RORA: variants seen among roughly 807,000 people sequenced by gnomAD.
RORA encodes nuclear receptor ROR-alpha.
A neutral mutation model predicts 69.5 loss-of-function variants in RORA; 7 were observed. That is an observed-to-expected ratio of 0.10 (90% CI 0.06 to 0.19). The LOEUF is 0.19. RORA is among the 10% of genes least tolerant of loss of function. The pLI is 1.00. For missense variants in RORA, 457 were observed against 663.0 expected (o/e 0.69, Z 3.41); for synonymous variants, 261 against 240.8 (o/e 1.08, Z -0.78).
At chr15:60,645,699 C>G (rs1254048022) in intron 2 of RORA, among the ~76,000 whole-genome samples, 1 of 151,992 alleles carries the variant, frequency 6.6e-6, no homozygotes, top group Non-Finnish European at 1.5e-5. Flanking sequence ...AATTTCCTTA[C>G]AGATCAATTA....
At position 60,994,871 on chromosome 15, in the gene RORA, T is replaced by C. The variant is rs16943456; in HGVS notation, c.166+234182A>G. Among the ~76,000 whole-genome samples, 849 of 152,246 alleles carry C rather than the reference T, an allele frequency of 5.6e-3. 8 individuals carry two copies. Among genetic ancestry groups the C allele is most frequent in the African/African-American group, 0.019 (799 of 41,530 alleles). On this transcript the variant is annotated intron_variant, in intron 1 of 10. Transcript: ENST00000335670. Reference sequence around the variant, plus strand: ...AACTTTACCAACCTTTTGAAGACCCTTCGTTTTAACAAGTGTGGATATTCT... The same window carrying C: ...AACTTTACCAACCTTTTGAAGACCCCTCGTTTTAACAAGTGTGGATATTCT...
intron 2 of RORA, among the ~76,000 whole-genome samples, chr15:60,665,044 G>T (rs1462384134): frequency 6.6e-6 from 1 of 152,186 alleles, no homozygotes; most frequent in Non-Finnish European, 1.5e-5. Context: ...CTAAACTAAG[G>T]AAACATACTT....
intron 1 of RORA, among the ~76,000 whole-genome samples, chr15:60,968,543 G>A (rs1169182484): frequency 6.6e-6 from 1 of 152,206 alleles, no homozygotes; most frequent in Non-Finnish European, 1.5e-5. Flanking sequence ...TCAAGCCTGG[G>A]TCTCCTCTCT....
At chr15:60,516,227 AT>A (rs2065948217) in intron 3 of RORA, among the ~76,000 whole-genome samples, 2 of 61,848 alleles carry the variant, frequency 3.2e-5, no homozygotes, top group East Asian at 3.5e-4. Context: ...ATATATTTAT[AT>A]ATATATTTAT....
intron 1 of RORA, among the ~76,000 whole-genome samples, chr15:60,844,314 AAAAGAATTACTACTTT>A (rs2073237357): frequency 6.6e-6 from 1 of 152,216 alleles, no homozygotes; most frequent in Non-Finnish European, 1.5e-5. Flanking sequence ...CAGAGGGAAC[AAAAGAATTACTACTTT>A]AAACTACACA....
chr15:61,061,666 G>T lies in RORA; in HGVS notation c.166+167387C>A, dbSNP rs1335218692. 6.6e-6 allele frequency among the ~76,000 whole-genome samples: 1 copy of T among 152,190 alleles called. No homozygotes were observed. The highest frequency in any genetic ancestry group is 1.5e-5 in the Non-Finnish European group (1 of 68,034). ...ATCTATCTCTAATTGCAAGAGTTAA[G>T]AGGAAATTTAAACTACTGCTTTAGT... is the stretch of plus-strand genomic sequence containing the variant. On this transcript the variant is annotated intron_variant, in intron 1 of 10. Transcript: ENST00000335670. This position sits in a 1 kb window ranked among gnomAD's most constrained non-coding sequence, Gnocchi z 4.4.
rs979361398 is a variant in RORA at position 61,061,542 on chromosome 15, G to C, written c.166+167511C>G. Reference sequence around the variant, plus strand: ...TTCTGACCTCGCCCCTCATTCTAAAGTGTAATTCCCAGATTTTCAGTAACT... The same window carrying C: ...TTCTGACCTCGCCCCTCATTCTAAACTGTAATTCCCAGATTTTCAGTAACT... On this transcript the variant is annotated intron_variant, in intron 1 of 10. Coordinates refer to ENST00000335670, the MANE Select transcript of RORA (RefSeq NM_134261.3). The surrounding 1 kb of genome is among the most constrained non-coding windows in gnomAD (Gnocchi z 4.4). 2.0e-5 allele frequency among the ~76,000 whole-genome samples: 3 copies of C among 152,072 alleles called. No individual in the cohort carries two copies. Among genetic ancestry groups the C allele is most frequent in the Non-Finnish European group, 4.4e-5 (3 of 67,996 alleles).
At chr15:60,641,034 C>A (rs556607324) in intron 2 of RORA, among the ~76,000 whole-genome samples, 1 of 152,164 alleles carries the variant, frequency 6.6e-6, no homozygotes, top group Non-Finnish European at 1.5e-5. Flanking sequence ...CTCACTGTAG[C>A]CTTGACCTCC....
intron 1 of RORA, among the ~76,000 whole-genome samples, chr15:60,939,904 T>C (rs560009373): frequency 9.9e-5 from 15 of 152,246 alleles, no homozygotes; most frequent in Non-Finnish European, 1.8e-4. Flanking sequence ...CACTCCAGTG[T>C]ATTTACTATA....
At chr15:61,108,502 A>G (rs1231469611) in intron 1 of RORA, among the ~76,000 whole-genome samples, 1 of 152,222 alleles carries the variant, frequency 6.6e-6, no homozygotes, top group Non-Finnish European at 1.5e-5. Flanking sequence ...CATATTATCT[A>G]TGGCTGCTTT....
chr15:61,105,002 C>CCG (rs1428432108), intron 1 of RORA, among the ~76,000 whole-genome samples: 4 of 142,216 alleles, frequency 2.8e-5, no homozygotes, highest in Non-Finnish European at 6.2e-5. Context: ...GGCGCCCCCC[C>CCG]CACCGCCCAG....
intron 1 of RORA, among the ~76,000 whole-genome samples, chr15:60,718,563 T>C (rs2071250194): frequency 6.6e-6 from 1 of 152,238 alleles, no homozygotes; most frequent in African/African-American, 2.4e-5. Flanking sequence ...ATAACGGTTG[T>C]TAGCTAAATT....
At chr15:60,771,908 G>C (rs1326688326) in intron 1 of RORA, among the ~76,000 whole-genome samples, 1 of 152,078 alleles carries the variant, frequency 6.6e-6, no homozygotes, top group Non-Finnish European at 1.5e-5. Flanking sequence ...TTAGTGATGA[G>C]GCCAAGAACA....
rs572700241 is a variant in RORA at position 61,061,430 on chromosome 15, G to C, written c.166+167623C>G. On this transcript the variant is annotated intron_variant, in intron 1 of 10. Coordinates refer to ENST00000335670, the MANE Select transcript of RORA (RefSeq NM_134261.3). The surrounding 1 kb of genome is among the most constrained non-coding windows in gnomAD (Gnocchi z 4.4). ...GCATCGCAGGAAGTCCTGATGTCAA[G>C]GTAATGCGGCCAGGCATATCTGTTG... Among the ~76,000 whole-genome samples the C allele has an allele frequency of 1.7e-4, 26 of 152,122 alleles. 1 individual carries two copies. The South Asian group carries it at 5.0e-3, about 29-fold the overall frequency.
At chr15:60,869,342 G>C (rs2073526521) in intron 1 of RORA, among the ~76,000 whole-genome samples, 1 of 152,180 alleles carries the variant, frequency 6.6e-6, no homozygotes, top group Admixed American at 6.5e-5. Flanking sequence ...AATCCCAGGA[G>C]AGGCATCTAT....
At chr15:60,701,270 T>C (rs879644160) in intron 1 of RORA, among the ~76,000 whole-genome samples, 2 of 152,238 alleles carry the variant, frequency 1.3e-5, no homozygotes, top group Admixed American at 6.5e-5. Context: ...GAATATTTGC[T>C]GAATGAATCA....
At chr15:60,619,634 T>C (rs904040328) in intron 2 of RORA, among the ~76,000 whole-genome samples, 2 of 152,242 alleles carry the variant, frequency 1.3e-5, no homozygotes, top group Non-Finnish European at 2.9e-5. Context: ...GAAATCTGTC[T>C]GCATACAAGC....
chr15:60,811,247 C>T (rs1463285331), intron 1 of RORA, among the ~76,000 whole-genome samples: 1 of 152,208 alleles, frequency 6.6e-6, no homozygotes, highest in Non-Finnish European at 1.5e-5. Context: ...TTTCATCCAA[C>T]TTATTTTTAG....
At position 60,592,427 on chromosome 15, in the gene RORA, G is replaced by C. The variant is rs1389870969; in HGVS notation, c.197-60576C>G. Reference sequence around the variant, plus strand: ...TCACAAAATACATCATTTAAGCCGCGGTGCGGAGAGCGCAGGGAGAGCGGA... The same window carrying C: ...TCACAAAATACATCATTTAAGCCGCCGTGCGGAGAGCGCAGGGAGAGCGGA... On this transcript the variant is annotated intron_variant, in intron 2 of 10. Transcript: ENST00000335670. The C allele has an allele frequency of 9.8e-6, 14 of 1,429,802 alleles. 1 individual carries two copies. In the South Asian group the frequency reaches 1.8e-4, roughly 19 times the overall value. The allele number at this position is 1,429,802 out of a possible 1,614,324, so 88.6% of individuals were successfully genotyped here.
Sources: allele counts gnomAD v4.1 joint callset (sites outside exome capture counted in the v4.1 genomes callset), GRCh38; gene constraint gnomAD v4.1.1; non-coding constraint Gnocchi (gnomAD v3.1); transcripts MANE v1.5; gene names NCBI Gene and HGNC (gene_info 2026-07-23, HGNC 2026-07-21).